Variants in TDRD9 observed in about 807,000 individuals in gnomAD.
The protein encoded by TDRD9 is tudor domain containing 9.
TDRD9 carries 124 observed loss-of-function variants against 172.6 expected under a neutral mutation model. That is an observed-to-expected ratio of 0.72 (90% confidence interval 0.62 to 0.83). TDRD9 has a LOEUF of 0.83. Among genes scored for constraint, TDRD9 ranks in the 40% least tolerant of loss-of-function variants. The pLI is 0.00. For missense variants in TDRD9, 1,479 were observed against 1,714.1 expected, an observed-to-expected ratio of 0.86 and a Z score of 2.42; for synonymous variants, 619 against 617.1, an observed-to-expected ratio of 1.00 and a Z score of -0.05.
In TDRD9 at chr14:104,032,092, G is replaced by A. The variant is rs1566796305; in HGVS notation, c.3509+5G>A. The A allele has an allele frequency of 3.9e-6, 6 of 1,533,570 alleles. No homozygotes were observed. Among genetic ancestry groups the A allele is most frequent in the Non-Finnish European group, 5.3e-6 (6 of 1,138,330 alleles). The allele number at this position is 1,533,570 out of a possible 1,614,324, so 95.0% of individuals were successfully genotyped here. Reference sequence around the variant, plus strand: ...GACCAGAATATCCAAATTCAGGTATGATTAACTTAAGTTTTCCATGAATTT... The same window carrying A: ...GACCAGAATATCCAAATTCAGGTATAATTAACTTAAGTTTTCCATGAATTT... On this transcript the variant is annotated splice_donor_5th_base_variant and intron_variant, in intron 30 of 35. Transcript: ENST00000409874.
At chr14:103,958,704 G>T (rs1344463701) in intron 2 of TDRD9, among the ~76,000 whole-genome samples, 1 of 152,222 alleles carries the variant, frequency 6.6e-6, no homozygotes, top group Non-Finnish European at 1.5e-5. Flanking sequence ...CAAGGGAATA[G>T]ATTCTTCTTT....
intron 9 of TDRD9, among the ~76,000 whole-genome samples, chr14:103,992,779 G>T (rs2033915543): frequency 6.6e-6 from 1 of 151,824 alleles, no homozygotes. Flanking sequence ...AAAAAAATTA[G>T]CCGGGCATGG....
At chr14:104,048,872 T>C (rs566874880) in intron 34 of TDRD9, among the ~76,000 whole-genome samples, 4 of 152,288 alleles carry the variant, frequency 2.6e-5, no homozygotes, top group African/African-American at 4.8e-5. Context: ...TGAGGATTTT[T>C]CCCCCTCTGA....
intron 7 of TDRD9, among the ~76,000 whole-genome samples, chr14:103,978,502 T>C (rs2033345257): frequency 2.0e-5 from 3 of 152,226 alleles, no homozygotes; most frequent in Admixed American, 2.0e-4. Flanking sequence ...TTTTCCATAA[T>C]GTCCTTTATT....
chr14:103,933,595 A>G (rs2030546860), intron 1 of TDRD9, among the ~76,000 whole-genome samples: 1 of 152,146 alleles, frequency 6.6e-6, no homozygotes, highest in South Asian at 2.1e-4. Context: ...AAAAAAACAG[A>G]CAGGGTTTTG....
In TDRD9 at chr14:104,035,025, A is replaced by T; in HGVS notation, c.3685A>T (p.Ser1229Cys). The change falls in exon 32 of 36, where the codon AGC becomes TGC. Residue 1229 changes from serine to cysteine, a missense_variant. Ser to Cys is a moderately radical substitution (Grantham distance 112). This residue lies in a region of TDRD9 where 1,413 missense variants were observed against 1,649.1 expected (regional missense o/e 0.86). Transcript: ENST00000409874. ...TATCCCTGGCCTCCCGGCTCTCCTC[A>T]GCATGTTATTCGCACCGGTGATAGA... ...PHIPGLPALL[S>C]MLFAPVIELR... is the part of the protein sequence containing the mutation. The T allele has an allele frequency of 6.4e-7, 1 of 1,551,762 alleles. No individual in the cohort carries two copies. The highest frequency in any genetic ancestry group is 8.7e-7 in the Non-Finnish European group (1 of 1,146,982).
chr14:104,039,973 AATT>A, intron 32 of TDRD9, among the ~76,000 whole-genome samples: 1 of 152,344 alleles, frequency 6.6e-6, no homozygotes, highest in Middle Eastern at 3.4e-3. Flanking sequence ...TATTAATACA[AATT>A]ATTAAGTATT....
intron 1 of TDRD9, among the ~76,000 whole-genome samples, chr14:103,934,331 C>T (rs1299799630): frequency 2.0e-5 from 3 of 152,160 alleles, no homozygotes; most frequent in African/African-American, 2.4e-5. Flanking sequence ...ATTTTTAAGA[C>T]CTTTTGGTCG....
intron 24 of TDRD9, among the ~76,000 whole-genome samples, chr14:104,022,729 A>AAAAAAAATAAATAAAT (rs1209630995): frequency 6.9e-6 from 1 of 145,982 alleles, no homozygotes; most frequent in Non-Finnish European, 1.5e-5. Flanking sequence ...GCTGTCTTAA[A>AAAAAAAATAAATAAAT]AAATAAATAA....
At chr14:104,003,836 C>G (rs753017913) in intron 13 of TDRD9, among the ~76,000 whole-genome samples, 1 of 151,946 alleles carries the variant, frequency 6.6e-6, no homozygotes, top group Admixed American at 6.6e-5. Flanking sequence ...GACAGCTCCT[C>G]GATGGCATTG....
intron 12 of TDRD9, 129 bp from the exon 13 acceptor site, chr14:103,998,495 A>G (rs1386679524): frequency 2.9e-5 from 19 of 647,536 alleles, no homozygotes; most frequent in African/African-American, 5.4e-5. Flanking sequence ...TGCGTGGCCA[A>G]ACGTTTCTGC....
At chr14:104,044,468 A>G (rs1444900410) in intron 34 of TDRD9, among the ~76,000 whole-genome samples, 2 of 152,192 alleles carry the variant, frequency 1.3e-5, no homozygotes, top group Non-Finnish European at 2.9e-5. Flanking sequence ...ATTTACACGC[A>G]GTCTTGTTCC....
intron 34 of TDRD9, among the ~76,000 whole-genome samples, chr14:104,046,803 A>T (rs955637901): frequency 6.6e-6 from 1 of 151,654 alleles, no homozygotes; most frequent in Non-Finnish European, 1.5e-5. Flanking sequence ...CCGCCACCAC[A>T]CCTGGCTAAT....
intron 13 of TDRD9, 88 bp downstream of exon 13, chr14:103,998,816 G>A (rs570697972): frequency 1.7e-5 from 12 of 703,898 alleles, no homozygotes; most frequent in East Asian, 2.6e-5. Flanking sequence ...TCTCTGAGAC[G>A]GAGTCTTGCT....
intron 1 of TDRD9, among the ~76,000 whole-genome samples, chr14:103,935,258 G>C (rs980760967): frequency 6.6e-6 from 1 of 152,234 alleles, no homozygotes; most frequent in African/African-American, 2.4e-5. Context: ...CAAGAGATAG[G>C]ATGGTGGCTT....
intron 6 of TDRD9, among the ~76,000 whole-genome samples, chr14:103,974,569 C>T (rs760656108): frequency 3.3e-5 from 5 of 152,138 alleles, no homozygotes; most frequent in East Asian, 1.9e-4. Context: ...TTCTAGATCC[C>T]GTTTTCTTTG....
intron 7 of TDRD9, among the ~76,000 whole-genome samples, chr14:103,986,013 T>C (rs2033645746): frequency 6.6e-6 from 1 of 152,216 alleles, no homozygotes; most frequent in Non-Finnish European, 1.5e-5. Flanking sequence ...GATTGATGAG[T>C]ATGGCACTTT....
chr14:103,948,656 C>T (rs765123413), intron 1 of TDRD9, among the ~76,000 whole-genome samples: 31 of 152,032 alleles, frequency 2.0e-4, no homozygotes, highest in East Asian at 1.9e-4. Flanking sequence ...TTCTGACATA[C>T]GCTCTGACAT....
chr14:103,929,630 C>A (rs564199455), intron 1 of TDRD9, among the ~76,000 whole-genome samples: 13 of 152,168 alleles, frequency 8.5e-5, no homozygotes, highest in African/African-American at 3.1e-4. Flanking sequence ...AGCGATTCTC[C>A]TGCCTCAGCC....
Sources: gnomAD v4.1 joint callset for allele counts (sites outside exome capture counted in the v4.1 genomes callset) on GRCh38, gnomAD v4.1.1 for gene constraint, gnomAD v4.1.1 regional missense constraint, MANE v1.5 for transcripts, NCBI Gene and HGNC (gene_info 2026-07-23, HGNC 2026-07-21) for gene names.